Variants in GRID2 observed in about 807,000 individuals in gnomAD.
The protein encoded by GRID2 is glutamate ionotropic receptor delta type subunit 2.
GRID2 carries 33 observed loss-of-function variants against 114.8 expected under a neutral mutation model. The observed-to-expected ratio is 0.29, with a 90% CI of 0.22 to 0.38. GRID2 has a LOEUF of 0.38. Among genes scored for constraint, GRID2 ranks in the 10% least tolerant of loss-of-function variants. The probability of loss-of-function intolerance (pLI) is 1.00; values close to 1 mark genes in which losing one functional copy is unlikely to be tolerated. For missense variants in GRID2, 1,184 were observed against 1,257.7 expected (o/e 0.94, Z 0.89); for synonymous variants, 505 against 449.9 (o/e 1.12, Z -1.55).
intron 4 of GRID2, among the ~76,000 whole-genome samples, chr4:93,162,851 A>C (rs890404617): frequency 6.6e-6 from 1 of 151,974 alleles, no homozygotes; most frequent in African/African-American, 2.4e-5. Flanking sequence ...AGGCAATATG[A>C]GACAGCTCAA....
chr4:92,641,196 CAATT>C (rs1055438376), intron 2 of GRID2, among the ~76,000 whole-genome samples: 3 of 151,376 alleles, frequency 2.0e-5, no homozygotes, highest in African/African-American at 7.3e-5. Flanking sequence ...ATTTTAATGA[CAATT>C]TATTTTTTTA....
At chr4:92,431,635 C>G (rs994156175) in intron 1 of GRID2, among the ~76,000 whole-genome samples, 3 of 149,964 alleles carry the variant, frequency 2.0e-5, no homozygotes, top group Non-Finnish European at 4.4e-5. Flanking sequence ...GAAAGACTTT[C>G]CAGAAAAAAA....
chr4:92,307,022 C>T (rs1302697788), intron 1 of GRID2, among the ~76,000 whole-genome samples: 4 of 151,856 alleles, frequency 2.6e-5, no homozygotes, highest in South Asian at 2.1e-4. Flanking sequence ...ACATTAACTC[C>T]TAAATTAAAA....
At chr4:93,527,023 T>A (rs1560715884) in intron 13 of GRID2, among the ~76,000 whole-genome samples, 1 of 152,184 alleles carries the variant, frequency 6.6e-6, no homozygotes, top group Non-Finnish European at 1.5e-5. Flanking sequence ...TATGTAAGTT[T>A]CATTCGCTTT....
chr4:92,483,020 G>T (rs1017195956), intron 1 of GRID2, among the ~76,000 whole-genome samples: 1 of 152,066 alleles, frequency 6.6e-6, no homozygotes, highest in Non-Finnish European at 1.5e-5. Context: ...AGACAAACTT[G>T]TTGTTCAACT....
chr4:92,661,713 T>G (rs1214257617), intron 2 of GRID2, among the ~76,000 whole-genome samples: 1 of 151,010 alleles, frequency 6.6e-6, no homozygotes, highest in Admixed American at 6.6e-5. Context: ...CTAGATAATT[T>G]TTCTGTTGTC....
chr4:92,567,946 A>G (rs7682069), intron 1 of GRID2, among the ~76,000 whole-genome samples: 40,180 of 151,898 alleles, frequency 0.26, 5,505 homozygotes, highest in Middle Eastern at 0.37. Context: ...AATAAACAAG[A>G]GATATATAGT....
At chr4:92,832,913 A>C (rs1336885487) in intron 2 of GRID2, among the ~76,000 whole-genome samples, 1 of 152,246 alleles carries the variant, frequency 6.6e-6, no homozygotes, top group Non-Finnish European at 1.5e-5. Context: ...CATAGTGTTC[A>C]TAAGAAATAA....
intron 1 of GRID2, among the ~76,000 whole-genome samples, chr4:92,585,798 C>A (rs1010111899): frequency 1.1e-4 from 17 of 151,886 alleles, no homozygotes; most frequent in Non-Finnish European, 2.5e-4. Flanking sequence ...AATATTCAAA[C>A]TAAAATGCAA....
intron 14 of GRID2, among the ~76,000 whole-genome samples, chr4:93,723,443 C>T (rs1321476326): frequency 1.3e-5 from 2 of 152,246 alleles, no homozygotes; most frequent in African/African-American, 4.8e-5. Context: ...TGGGCCCAGA[C>T]CAGGAGATTA....
intron 1 of GRID2, among the ~76,000 whole-genome samples, chr4:92,394,524 A>G (rs562245656): frequency 1.3e-5 from 2 of 152,136 alleles, no homozygotes; most frequent in South Asian, 2.1e-4. Context: ...CAATGCTTAT[A>G]TCATTCTCTA....
intron 13 of GRID2, among the ~76,000 whole-genome samples, chr4:93,530,906 A>G (rs1454121641): frequency 6.6e-6 from 1 of 152,162 alleles, no homozygotes; most frequent in East Asian, 1.9e-4. Context: ...CTAGATATTT[A>G]TATATTTTCC....
At chr4:93,724,831 G>A (rs1230761369) in intron 14 of GRID2, among the ~76,000 whole-genome samples, 1 of 152,076 alleles carries the variant, frequency 6.6e-6, no homozygotes, top group Non-Finnish European at 1.5e-5. Flanking sequence ...CCAAGCTGGA[G>A]TGCAGCGGCA....
chr4:93,569,550 G>A (rs1030438407), intron 13 of GRID2, among the ~76,000 whole-genome samples: 26 of 152,116 alleles, frequency 1.7e-4, no homozygotes, highest in African/African-American at 5.8e-4. Flanking sequence ...CGTTTGAAAA[G>A]TAAATGATAT....
At chr4:92,335,347 A>G (rs538509808) in intron 1 of GRID2, among the ~76,000 whole-genome samples, 43 of 152,344 alleles carry the variant, frequency 2.8e-4, no homozygotes, top group Non-Finnish European at 5.0e-4. Flanking sequence ...CTCATCACAT[A>G]AAAGATCTTG....
chr4:93,201,695 G>A (rs1160141708), intron 4 of GRID2, among the ~76,000 whole-genome samples: 2 of 152,176 alleles, frequency 1.3e-5, no homozygotes, highest in African/African-American at 4.8e-5. Flanking sequence ...GCACTTGTAG[G>A]AACTGTTCCA....
intron 13 of GRID2, among the ~76,000 whole-genome samples, chr4:93,605,116 TG>T: frequency 6.6e-6 from 1 of 152,274 alleles, no homozygotes; most frequent in Non-Finnish European, 1.5e-5. Context: ...TGAGTAGTTC[TG>T]GGGGGCAAAA....
At chr4:92,956,909 A>G (rs1413601698) in intron 2 of GRID2, among the ~76,000 whole-genome samples, 1 of 152,162 alleles carries the variant, frequency 6.6e-6, no homozygotes, top group Non-Finnish European at 1.5e-5. Flanking sequence ...CCCTAATGAC[A>G]TATGATGTGG....
intron 2 of GRID2, among the ~76,000 whole-genome samples, chr4:92,713,234 G>A (rs1735349361): frequency 6.6e-6 from 1 of 150,926 alleles, no homozygotes; most frequent in South Asian, 2.1e-4. Flanking sequence ...AGATTTGGTA[G>A]TGTTTTCACA....
Sources: gnomAD v4.1 joint callset for allele counts (sites outside exome capture counted in the v4.1 genomes callset) on GRCh38, gnomAD v4.1.1 for gene constraint, MANE v1.5 for transcripts, NCBI Gene and HGNC (gene_info 2026-07-23, HGNC 2026-07-21) for gene names.